Variants in PRUNE2 observed in about 807,000 individuals in gnomAD.
PRUNE2 encodes the protein prune homolog 2 with BCH domain, also known as protein prune homolog 2.
PRUNE2 carries 164 observed loss-of-function variants against 252.0 expected under a neutral mutation model. The ratio of observed to expected loss-of-function variants is 0.65; its 90% CI spans 0.57 to 0.74. The LOEUF is 0.74. PRUNE2 is among the 30% of genes least tolerant of loss of function. PRUNE2 has a pLI of 0.00. For missense variants in PRUNE2, 3,495 were observed against 3,711.0 expected (o/e 0.94, Z 1.51); for synonymous variants, 1,292 against 1,350.2 (o/e 0.96, Z 0.94).
chr9:76,745,738 G>A (rs1304376082), intron 6 of PRUNE2, among the ~76,000 whole-genome samples: 2 of 152,152 alleles, frequency 1.3e-5, no homozygotes, highest in Non-Finnish European at 1.5e-5. Context: ...TTTCTCTATT[G>A]TAGTTCCCCT....
At chr9:76,886,675 G>GTTAT (rs2062119574) in intron 1 of PRUNE2, among the ~76,000 whole-genome samples, 1 of 152,080 alleles carries the variant, frequency 6.6e-6, no homozygotes, top group African/African-American at 2.4e-5. Flanking sequence ...ATATTTTAAA[G>GTTAT]GATTTTCACT....
intron 6 of PRUNE2, among the ~76,000 whole-genome samples, chr9:76,794,374 T>G (rs2055853044): frequency 6.6e-6 from 1 of 152,044 alleles, no homozygotes. Context: ...CCCAGCACTT[T>G]GGGAGTCTGA....
At chr9:76,897,390 C>CTATT (rs1564527202) in intron 1 of PRUNE2, among the ~76,000 whole-genome samples, 1 of 56,252 alleles carries the variant, frequency 1.8e-5, no homozygotes, top group African/African-American at 6.1e-5. Context: ...AGGCAAACCT[C>CTATT]TTTTTTTTTT....
chr9:76,881,651 T>C (rs2061792385), intron 1 of PRUNE2, among the ~76,000 whole-genome samples: 1 of 151,256 alleles, frequency 6.6e-6, no homozygotes, highest in Admixed American at 6.6e-5. Context: ...AGATGGAGTC[T>C]CACTCTGTCA....
In PRUNE2 at chr9:76,703,789, A is replaced by C. The variant is rs766665269; in HGVS notation, c.7824T>G (p.Gly2608=). 1.2e-6 allele frequency: 2 copies of C among 1,613,750 alleles called. No homozygotes were observed. The highest frequency in any genetic ancestry group is 1.7e-6 in the Non-Finnish European group (2 of 1,179,830). Residue 2608 remains glycine, a synonymous_variant, in exon 9 of 19, where the codon GGT becomes GGG. Coordinates refer to ENST00000376718, the MANE Select transcript of PRUNE2 (RefSeq NM_015225.3). ...TAGAAGACATTTTCTCTGCAGAGAG[A>C]CCTTTTCTTTCATTTAAGGAGGCTG... The part of the protein sequence containing the change: ...CQPASLNERK[G]LSAEKMSSKS...
At chr9:76,624,667 T>C (rs966077764) in intron 16 of PRUNE2, among the ~76,000 whole-genome samples, 177 bp from the exon 17 acceptor site, 1 of 152,218 alleles carries the variant, frequency 6.6e-6, no homozygotes, top group African/African-American at 2.4e-5. Flanking sequence ...TTGCCTCCCA[T>C]TCAGTGTTTA....
intron 6 of PRUNE2, among the ~76,000 whole-genome samples, chr9:76,761,498 T>C (rs1292645243): frequency 6.6e-6 from 1 of 152,224 alleles, no homozygotes; most frequent in African/African-American, 2.4e-5. Context: ...TCAATTTAAT[T>C]TGTAAGAATT....
Position 76,781,610 on chromosome 9 carries a change from C to A in PRUNE2, c.756+42022G>T, listed in dbSNP as rs191871191. 5.0e-3 allele frequency among the ~76,000 whole-genome samples: 765 copies of A among 152,310 alleles called. 4 individuals are homozygous for A. Among genetic ancestry groups the A allele is most frequent in the African/African-American group, 0.017 (727 of 41,570 alleles). ...ACATTTTCTTATAACAGCATCCAAT[C>A]ATTTTCTTCATAGCACTTAAATTAG... On this transcript the variant is annotated intron_variant, in intron 6 of 18. Transcript: ENST00000376718.
At chr9:76,731,079 G>A (rs1285606373) in intron 6 of PRUNE2, among the ~76,000 whole-genome samples, 2 of 152,040 alleles carry the variant, frequency 1.3e-5, no homozygotes, top group African/African-American at 2.4e-5. Context: ...ACAGAAGAGT[G>A]GCTTGCTGGT....
Position 76,706,919 on chromosome 9 carries a change from C to T in PRUNE2, c.5355G>A (p.Glu1785=), listed in dbSNP as rs2046356695. 1 of 1,605,676 alleles carries T rather than the reference C, an allele frequency of 6.2e-7. No homozygotes were observed. The highest frequency in any genetic ancestry group is 8.5e-7 in the Non-Finnish European group (1 of 1,175,504). The change falls in exon 8 of 19, where the codon GAG becomes GAA. Residue 1785 remains glutamate (E), a synonymous_variant. Transcript: ENST00000376718. ...TCCCTGTTTCTGGAGAAGATCTCTT[C>T]TCCTTCTCCACTGCTGTAATCTGCA... is the stretch of plus-strand genomic sequence containing the variant. ...TEMQITAVEK[E]KRSSPETGTT...
rs1380975665 is a variant in PRUNE2 at position 76,709,623 on chromosome 9, G to A, written c.2651C>T (p.Ser884Phe). ...DHIFAPGNPS[S>F]DLDHTWTNSK... is the part of the protein sequence containing the mutation. ...ATTAGTCCATGTGTGATCCAGATCAGAACTGGGATTTCCAGGTGCAAAGAT... is the reference window on the plus strand; with the variant it reads ...ATTAGTCCATGTGTGATCCAGATCAAAACTGGGATTTCCAGGTGCAAAGAT... The change falls in exon 8 of 19, where the codon TCT becomes TTT. Residue 884 changes from serine (S) to phenylalanine (F), a missense_variant. Coordinates refer to ENST00000376718, the MANE Select transcript of PRUNE2 (RefSeq NM_015225.3). 1 of 1,613,888 alleles carries A rather than the reference G, an allele frequency of 6.2e-7. No homozygotes were observed. The highest frequency in any genetic ancestry group is 2.2e-5 in the East Asian group (1 of 44,892).
intron 9 of PRUNE2, among the ~76,000 whole-genome samples, chr9:76,656,049 T>C (rs1849087608): frequency 6.6e-6 from 1 of 152,232 alleles, no homozygotes; most frequent in Non-Finnish European, 1.5e-5. Context: ...TGATGTTATT[T>C]TTCTTCCTTT....
chr9:76,753,078 A>G (rs577963890), intron 6 of PRUNE2, among the ~76,000 whole-genome samples: 2 of 152,272 alleles, frequency 1.3e-5, no homozygotes, highest in South Asian at 4.1e-4. Context: ...CACCTAGGCT[A>G]GAGTGCAGTG....
At position 76,871,365 on chromosome 9, in the gene PRUNE2, C is replaced by T. The variant is rs113814864; in HGVS notation, c.37-17157G>A. On this transcript the variant is annotated intron_variant, in intron 1 of 18. Transcript: ENST00000376718. Reference sequence around the variant, plus strand: ...TTAATGTATACAGGAGGAAGCATGTCGGTTATATGCAAATACTATTTCATT... The same window carrying T: ...TTAATGTATACAGGAGGAAGCATGTTGGTTATATGCAAATACTATTTCATT... Among the ~76,000 whole-genome samples the T allele has an allele frequency of 6.5e-3, 983 of 152,302 alleles. 10 individuals are homozygous for T. Among genetic ancestry groups the T allele is most frequent in the African/African-American group, 0.022 (932 of 41,574 alleles).
intron 1 of PRUNE2, among the ~76,000 whole-genome samples, chr9:76,901,631 A>T (rs1302511041): frequency 6.6e-6 from 1 of 152,190 alleles, no homozygotes; most frequent in Non-Finnish European, 1.5e-5. Flanking sequence ...TTCTTTTTAA[A>T]ACCCCATCTC....
chr9:76,869,293 A>C (rs2061046229), intron 1 of PRUNE2: 1 of 152,238 alleles, frequency 6.6e-6, no homozygotes, highest in African/African-American at 2.4e-5. Context: ...TGTTTCCAGT[A>C]CGGTGCAGGT....
intron 13 of PRUNE2, among the ~76,000 whole-genome samples, chr9:76,637,777 G>A (rs1343268401): frequency 6.6e-6 from 1 of 152,144 alleles, no homozygotes; most frequent in African/African-American, 2.4e-5. Flanking sequence ...AAATGTATGG[G>A]TTAGAAAGAA....
chr9:76,729,383 T>C (rs1457779174), intron 6 of PRUNE2, among the ~76,000 whole-genome samples: 1 of 152,166 alleles, frequency 6.6e-6, no homozygotes, highest in Non-Finnish European at 1.5e-5. Context: ...GGAACCACAA[T>C]TTGAGAACCA....
chr9:76,754,464 G>A lies in PRUNE2; in HGVS notation c.757-40743C>T, dbSNP rs1332845036. Among the ~76,000 whole-genome samples the A allele has an allele frequency of 2.6e-5, 4 of 152,120 alleles. No homozygotes were observed. In the South Asian group the frequency reaches 6.2e-4, roughly 24 times the overall value. ...TGAACGTCCCTTTTTATATGGGCAC[G>A]CATGAACATCATTTTCTAAGGAGTG... On this transcript the variant is annotated intron_variant, in intron 6 of 18. Transcript: ENST00000376718.
Sources: gnomAD v4.1 joint callset for allele counts (sites outside exome capture counted in the v4.1 genomes callset) on GRCh38, gnomAD v4.1.1 for gene constraint, MANE v1.5 for transcripts, NCBI Gene and HGNC (gene_info 2026-07-23, HGNC 2026-07-21) for gene names.